Variants in MCF2L2 observed in about 807,000 individuals in gnomAD.
MCF2L2 encodes MCF.2 cell line derived transforming sequence-like 2.
In MCF2L2, 102 loss-of-function variants were observed where a neutral mutation model predicts 150.2. The observed-to-expected ratio is 0.68, with a 90% CI of 0.58 to 0.80. MCF2L2 has a LOEUF of 0.80. MCF2L2 is among the 30% of genes least tolerant of loss of function. The pLI, the probability that MCF2L2 is intolerant of heterozygous loss-of-function variation, is 0.00. For synonymous variants in MCF2L2, 465 were observed against 491.3 expected, an observed-to-expected ratio of 0.95 and a Z score of 0.71; for missense variants, 1,256 against 1,372.8, an observed-to-expected ratio of 0.91 and a Z score of 1.34.
intron 3 of MCF2L2, among the ~76,000 whole-genome samples, chr3:183,349,738 G>A (rs1445640367): frequency 6.6e-6 from 1 of 152,206 alleles, no homozygotes; most frequent in Non-Finnish European, 1.5e-5. Context: ...ACACTAGCAA[G>A]CCTGGCTTTC....
chr3:183,270,695 C>A lies in MCF2L2; in HGVS notation c.1862+6177G>T. On this transcript the variant is annotated intron_variant, in intron 15 of 29. Coordinates refer to ENST00000328913, the MANE Select transcript of MCF2L2 (RefSeq NM_015078.4). This position sits in a 1 kb window ranked among gnomAD's most constrained non-coding sequence, Gnocchi z 4.5. The stretch of plus-strand genomic sequence containing the variant: ...ATAAAATAGGGATAGTACCGCAGGA[C>A]CATGTGTTTTTTTCTGGAGAGGGTA... 1 of 1,613,836 alleles carries A rather than the reference C, an allele frequency of 6.2e-7. No individual in the cohort carries two copies. Among genetic ancestry groups the A allele is most frequent in the South Asian group, 1.1e-5 (1 of 91,020 alleles).
rs71185653 is a variant in MCF2L2 at position 183,355,613 on chromosome 3, AT to A, written c.276-13984del. On this transcript the variant is annotated intron_variant, in intron 3 of 29. Transcript: ENST00000328913. Reference sequence around the variant, plus strand: ...AGGCGCCCGCCACCACGCCCAGCTAATTTTTTTTTTTTTTTTTTTTTTTTTG... The same window carrying A: ...AGGCGCCCGCCACCACGCCCAGCTAATTTTTTTTTTTTTTTTTTTTTTTTG... Among the ~76,000 whole-genome samples the A allele has an allele frequency of 7.7e-3, 653 of 84,440 alleles. 2 individuals are homozygous for A. Among genetic ancestry groups the A allele is most frequent in the African/African-American group, 0.025 (451 of 18,198 alleles). The allele number at this position is 84,440 out of a possible 152,430, so 55.4% of individuals were successfully genotyped here. A position where few individuals can be genotyped will look rare whatever the true frequency, so the allele number is the denominator to read the frequency against.
intron 3 of MCF2L2, among the ~76,000 whole-genome samples, chr3:183,363,315 A>G (rs1004592577): frequency 6.6e-6 from 1 of 152,198 alleles, no homozygotes; most frequent in African/African-American, 2.4e-5. Context: ...TTTGCTCTTT[A>G]GTATTTACCC....
intron 1 of MCF2L2, among the ~76,000 whole-genome samples, chr3:183,403,175 G>A (rs948976883): frequency 1.3e-5 from 2 of 152,118 alleles, no homozygotes; most frequent in African/African-American, 2.4e-5. Flanking sequence ...AGGAGGCTGA[G>A]GCAGGAGAAT....
chr3:183,292,331 G>A (rs960041325), intron 13 of MCF2L2, among the ~76,000 whole-genome samples: 12 of 152,036 alleles, frequency 7.9e-5, no homozygotes, highest in African/African-American at 2.9e-4. Context: ...GAGGCAGGAG[G>A]ATAGCTTGAG....
intron 21 of MCF2L2, among the ~76,000 whole-genome samples, chr3:183,216,475 T>C (rs1252438151): frequency 2.5e-4 from 35 of 140,418 alleles, no homozygotes; most frequent in Admixed American, 8.7e-4. Context: ...TATTAATATA[T>C]AATTATATGT....
In MCF2L2 at chr3:183,179,704, G is replaced by C; in HGVS notation, c.3106-12C>G. ...AAAAGGCCCGCGAGCTGGAAGGGAG[G>C]GGACGGGTGCACCCTCAGAGTTATT... On this transcript the variant is annotated splice_polypyrimidine_tract_variant and intron_variant, in intron 28 of 29. Transcript: ENST00000328913. This position sits in a 1 kb window ranked among gnomAD's most constrained non-coding sequence, Gnocchi z 4.2. 2 of 1,608,708 alleles carry C rather than the reference G, an allele frequency of 1.2e-6. No homozygotes were observed. The highest frequency in any genetic ancestry group is 1.7e-6 in the Non-Finnish European group (2 of 1,175,240).
At chr3:183,414,650 T>C (rs1331637902) in intron 1 of MCF2L2, among the ~76,000 whole-genome samples, 7 of 152,206 alleles carry the variant, frequency 4.6e-5, no homozygotes, top group African/African-American at 1.7e-4. Context: ...AAGATTGGGT[T>C]ATTGATTTGA....
rs114729343 is a variant in MCF2L2, at chr3:183,415,989, G to A, written c.76+11913C>T. Among the ~76,000 whole-genome samples, 1,167 of 151,822 alleles carry A rather than the reference G, an allele frequency of 7.7e-3. 14 individuals are homozygous for A. The highest frequency in any genetic ancestry group is 0.027 in the African/African-American group (1,114 of 41,440). On this transcript the variant is annotated intron_variant, in intron 1 of 29. Coordinates refer to ENST00000328913, the MANE Select transcript of MCF2L2 (RefSeq NM_015078.4). ...TACATTAATAAAAATTTCTAGTATA[G>A]CATTTTAATTCCTTTGATAATATTT...
At chr3:183,420,080 T>C (rs896931353) in intron 1 of MCF2L2, among the ~76,000 whole-genome samples, 5 of 152,198 alleles carry the variant, frequency 3.3e-5, no homozygotes, top group Non-Finnish European at 7.3e-5. Flanking sequence ...AGCCTGGACT[T>C]CATTGTGCAT....
At chr3:183,396,398 G>A (rs1332964289) in intron 1 of MCF2L2, among the ~76,000 whole-genome samples, 1 of 152,098 alleles carries the variant, frequency 6.6e-6, no homozygotes, top group African/African-American at 2.4e-5. Flanking sequence ...TAGATTCTTT[G>A]GTAATGACAT....
At chr3:183,277,027 C>A in intron 14 of MCF2L2, 70 bp from the exon 15 acceptor site, 3 of 1,046,904 alleles carry the variant, frequency 2.9e-6, no homozygotes, top group Non-Finnish European at 4.2e-6. Flanking sequence ...TTCTCTCTCC[C>A]AATTTCTGTG....
At chr3:183,352,167 T>C (rs1029335156) in intron 3 of MCF2L2, among the ~76,000 whole-genome samples, 1 of 152,218 alleles carries the variant, frequency 6.6e-6, no homozygotes, top group Non-Finnish European at 1.5e-5. Context: ...CAATGCCTCA[T>C]CCTGAGTGGA....
chr3:183,269,514 ACATGGGAGAGCCG>A, intron 15 of MCF2L2: 1 of 341,776 alleles, frequency 2.9e-6, no homozygotes, highest in Admixed American at 4.6e-5. Flanking sequence ...TGGAATATTC[ACATGGGAGAGCCG>A]CATGAGGCCG....
chr3:183,279,588 T>C (rs903495712), intron 14 of MCF2L2, among the ~76,000 whole-genome samples: 3 of 152,214 alleles, frequency 2.0e-5, no homozygotes, highest in African/African-American at 7.2e-5. Flanking sequence ...AACCAGCTGC[T>C]GTTGTGAAAG....
At chr3:183,371,937 C>T (rs1400069019) in intron 3 of MCF2L2, 1 of 151,510 alleles carries the variant, frequency 6.6e-6, no homozygotes, top group African/African-American at 2.4e-5. Flanking sequence ...GAGTACTGTC[C>T]GTCTTTTTTC....
intron 15 of MCF2L2, among the ~76,000 whole-genome samples, chr3:183,244,207 A>T (rs1014209494): frequency 4.1e-5 from 3 of 73,130 alleles, no homozygotes; most frequent in African/African-American, 2.0e-4. Flanking sequence ...AATCTGATTA[A>T]AAAAAAAAAA....
intron 11 of MCF2L2, 51 bp from the exon 12 acceptor site, chr3:183,297,218 G>A: frequency 6.7e-7 from 1 of 1,501,510 alleles, no homozygotes; most frequent in South Asian, 1.2e-5. Context: ...ACAACTCAGA[G>A]CCACCGTAAT....
At chr3:183,196,479 C>T (rs1722086770) in intron 25 of MCF2L2, among the ~76,000 whole-genome samples, 1 of 152,144 alleles carries the variant, frequency 6.6e-6, no homozygotes, top group Admixed American at 6.5e-5. Context: ...ATCTTGGAAC[C>T]TGGGACACCA....
Sources: allele counts gnomAD v4.1 joint callset (sites outside exome capture counted in the v4.1 genomes callset), GRCh38; gene constraint gnomAD v4.1.1; non-coding constraint Gnocchi (gnomAD v3.1); transcripts MANE v1.5; gene names NCBI Gene and HGNC (gene_info 2026-07-23, HGNC 2026-07-21).